TENM4: variants seen among roughly 807,000 people sequenced by gnomAD.
The protein encoded by TENM4 is teneurin-4.
TENM4 carries 82 observed loss-of-function variants against 243.3 expected under a neutral mutation model. The ratio of observed to expected loss-of-function variants is 0.34; its 90% CI spans 0.28 to 0.40. The LOEUF (loss-of-function observed/expected upper bound fraction) is 0.40, where lower values mean the gene tolerates loss of function less well. Ranked by LOEUF, TENM4 falls within the 10% of genes least tolerant of loss-of-function variation. The pLI is 1.00. For missense variants in TENM4, 3,138 were observed against 3,673.3 expected, an observed-to-expected ratio of 0.85 and a Z score of 3.77; for synonymous variants, 1,412 against 1,456.3, an observed-to-expected ratio of 0.97 and a Z score of 0.69.
intron 28 of TENM4, among the ~76,000 whole-genome samples, chr11:78,701,121 T>C (rs1207323601): frequency 6.6e-6 from 1 of 152,240 alleles, no homozygotes; most frequent in African/African-American, 2.4e-5. Context: ...CATCCACATG[T>C]GCCTGTTCCT....
chr11:78,882,358 C>A (rs1278992207), intron 9 of TENM4, among the ~76,000 whole-genome samples: 4 of 152,206 alleles, frequency 2.6e-5, no homozygotes, highest in Admixed American at 1.3e-4. Context: ...CACAGTTCGG[C>A]CACCATGCTT....
At chr11:79,234,578 G>A (rs1454471263) in intron 2 of TENM4, among the ~76,000 whole-genome samples, 1 of 152,208 alleles carries the variant, frequency 6.6e-6, no homozygotes, top group African/African-American at 2.4e-5. Flanking sequence ...TGAGGGCAAG[G>A]AAATGCTCAG....
intron 2 of TENM4, among the ~76,000 whole-genome samples, chr11:79,224,214 A>G (rs1050647512): frequency 6.6e-6 from 1 of 152,174 alleles, no homozygotes; most frequent in Non-Finnish European, 1.5e-5. Context: ...GACTGATCTG[A>G]CAGATTCATG....
intron 15 of TENM4, among the ~76,000 whole-genome samples, chr11:78,792,721 CTCTA>C (rs1162710265): frequency 2.0e-5 from 3 of 152,192 alleles, no homozygotes; most frequent in Admixed American, 6.5e-5. Flanking sequence ...GTTGATGCGA[CTCTA>C]TCTCAGTGCC....
At chr11:79,319,894 G>C (rs1375993530) in intron 1 of TENM4, among the ~76,000 whole-genome samples, 5 of 152,104 alleles carry the variant, frequency 3.3e-5, no homozygotes, top group African/African-American at 1.2e-4. Context: ...TCCACACTAG[G>C]TGACCACCAC....
intron 33 of TENM4, among the ~76,000 whole-genome samples, chr11:78,660,058 GCAGT>G (rs1857991919): frequency 6.6e-6 from 1 of 152,224 alleles, no homozygotes. Flanking sequence ...TGGCAGACAG[GCAGT>G]CAGAGACCGG....
intron 5 of TENM4, among the ~76,000 whole-genome samples, chr11:79,067,427 T>C (rs1860292098): frequency 6.6e-6 from 1 of 152,226 alleles, no homozygotes; most frequent in African/African-American, 2.4e-5. Context: ...ATCTGTGCTC[T>C]GTTCGGCCGG....
intron 3 of TENM4, among the ~76,000 whole-genome samples, chr11:79,160,695 A>G (rs1156328157): frequency 2.6e-5 from 4 of 152,190 alleles, no homozygotes; most frequent in Non-Finnish European, 1.5e-5. Flanking sequence ...GTTGTCAGCA[A>G]TATCATGGCA....
At chr11:79,050,998 T>C (rs992670619) in intron 6 of TENM4, among the ~76,000 whole-genome samples, 10 of 152,178 alleles carry the variant, frequency 6.6e-5, no homozygotes, top group Non-Finnish European at 1.3e-4. Flanking sequence ...TGGAGTCAGA[T>C]AGACCTGGGG....
chr11:78,676,383 T>G lies in TENM4; in HGVS notation c.5265A>C (p.Gln1755His). 1 of 1,593,880 alleles carries G rather than the reference T, an allele frequency of 6.3e-7. No individual in the cohort carries two copies. Among genetic ancestry groups the G allele is most frequent in the Non-Finnish European group, 8.6e-7 (1 of 1,164,458 alleles). ...SGAFYTLLQD[Q>H]VRNSYYIGAD... is the part of the protein sequence containing the mutation. ...CCCCGATGTAGTAGCTGTTCCGGACTTGGTCTGCAGGAGAGGACAAGCACA... is the reference window on the plus strand; with the variant it reads ...CCCCGATGTAGTAGCTGTTCCGGACGTGGTCTGCAGGAGAGGACAAGCACA... Residue 1755 changes from glutamine to histidine, a missense_variant, in exon 30 of 34, where the codon CAA (glutamine) becomes CAC (histidine). Around this residue, in one of 2 missense-constraint regions of TENM4, gnomAD observed 2,467 missense variants for 3,059.1 expected, o/e 0.81. Coordinates refer to ENST00000278550, the MANE Select transcript of TENM4 (RefSeq NM_001098816.3).
intron 6 of TENM4, among the ~76,000 whole-genome samples, chr11:78,959,028 GA>G (rs1857264050): frequency 6.6e-6 from 1 of 152,164 alleles, no homozygotes; most frequent in Admixed American, 6.5e-5. Flanking sequence ...TCAGAGGTTG[GA>G]AACATTGCCT....
At chr11:79,047,737 C>T (rs1393757716) in intron 6 of TENM4, among the ~76,000 whole-genome samples, 2 of 152,088 alleles carry the variant, frequency 1.3e-5, no homozygotes, top group Non-Finnish European at 2.9e-5. Context: ...TGAATTCAGC[C>T]TTATTAGGCA....
intron 1 of TENM4, among the ~76,000 whole-genome samples, chr11:79,297,984 T>C (rs1856484328): frequency 6.6e-6 from 1 of 151,974 alleles, no homozygotes; most frequent in Non-Finnish European, 1.5e-5. Context: ...GAGCAGAGGC[T>C]ATCAAGATAT....
chr11:79,003,976 G>T (rs151316928), intron 6 of TENM4, among the ~76,000 whole-genome samples: 16 of 144,598 alleles, frequency 1.1e-4, no homozygotes, highest in African/African-American at 3.9e-4. Context: ...AAACACAGGG[G>T]TTGCTATTCT....
chr11:79,043,625 T>C (rs1284518055), intron 6 of TENM4, among the ~76,000 whole-genome samples: 1 of 152,242 alleles, frequency 6.6e-6, no homozygotes, highest in Non-Finnish European at 1.5e-5. Context: ...GCTGTTAACC[T>C]ATGCTGACAA....
intron 3 of TENM4, among the ~76,000 whole-genome samples, chr11:79,180,002 T>C (rs1030422057): frequency 5.9e-5 from 9 of 151,732 alleles, no homozygotes; most frequent in Non-Finnish European, 1.3e-4. Context: ...GGAATCATGA[T>C]CTCTCTGTCT....
At chr11:79,060,019 C>A (rs1444778149) in intron 6 of TENM4, among the ~76,000 whole-genome samples, 2 of 152,240 alleles carry the variant, frequency 1.3e-5, no homozygotes, top group Non-Finnish European at 2.9e-5. Context: ...TAGAATCATG[C>A]TGCACACTGA....
intron 21 of TENM4, among the ~76,000 whole-genome samples, chr11:78,730,201 G>GTGC (rs1206926739): frequency 6.6e-6 from 1 of 152,224 alleles, no homozygotes; most frequent in East Asian, 1.9e-4. Flanking sequence ...GTGGCATGCA[G>GTGC]TGCTGCTGCT....
chr11:78,918,148 C>T (rs548480008), intron 6 of TENM4, among the ~76,000 whole-genome samples: 8 of 152,132 alleles, frequency 5.3e-5, no homozygotes, highest in African/African-American at 9.7e-5. Flanking sequence ...CTGACCTGTA[C>T]GTTTCACCTG....
Sources: allele counts gnomAD v4.1 joint callset (sites outside exome capture counted in the v4.1 genomes callset), GRCh38; gene constraint gnomAD v4.1.1; regional missense constraint gnomAD v4.1.1; transcripts MANE v1.5; gene names NCBI Gene and HGNC (gene_info 2026-07-23, HGNC 2026-07-21).